KLF8: variants seen among roughly 807,000 people sequenced by gnomAD.
The protein encoded by KLF8 is Krueppel-like factor 8.
KLF8 carries 10 observed loss-of-function variants against 18.2 expected under a neutral mutation model. The observed-to-expected ratio is 0.55, with a 90% CI of 0.34 to 0.93. The LOEUF is 0.93. Ranked by LOEUF, KLF8 falls within the 40% of genes least tolerant of loss-of-function variation. The pLI, the probability that KLF8 is intolerant of heterozygous loss-of-function variation, is 0.02. For missense variants in KLF8, 264 were observed against 277.9 expected, an observed-to-expected ratio of 0.95 and a Z score of 0.36; for synonymous variants, 109 against 97.3, an observed-to-expected ratio of 1.12 and a Z score of -0.71.
chrX:56,162,055 G>T, the KLF8 span, among the ~76,000 whole-genome samples: 3 of 111,833 alleles, frequency 2.7e-5, no homozygotes, highest in Non-Finnish European at 3.8e-5. Context: ...TGTTTGCCTG[G>T]GTATCAGCAG....
the KLF8 span, among the ~76,000 whole-genome samples, chrX:56,046,135 T>A: frequency 2.7e-5 from 3 of 112,069 alleles, no homozygotes; most frequent in Non-Finnish European, 5.6e-5. Flanking sequence ...TCTGTTTATG[T>A]GGTGTATCAC....
the KLF8 span, among the ~76,000 whole-genome samples, chrX:56,220,648 G>C: frequency 3.6e-5 from 4 of 110,763 alleles, no homozygotes; most frequent in African/African-American, 9.8e-5. Flanking sequence ...ACCACACCCA[G>C]CTAATTCTGT....
At chrX:56,220,570 C>G in the KLF8 span, among the ~76,000 whole-genome samples, 1 of 111,393 alleles carries the variant, frequency 9.0e-6, no homozygotes, top group Non-Finnish European at 1.9e-5. Context: ...ACTGCAACCT[C>G]CGCCTCCCAG....
At chrX:56,012,083 C>T in the KLF8 span, among the ~76,000 whole-genome samples, 1 of 111,932 alleles carries the variant, frequency 8.9e-6, no homozygotes, top group African/African-American at 3.2e-5. Context: ...AAAGGAGTGA[C>T]CCCTCCCTAA....
At chrX:56,137,824 G>T in the KLF8 span, among the ~76,000 whole-genome samples, 1 of 108,537 alleles carries the variant, frequency 9.2e-6, no homozygotes, top group South Asian at 4.0e-4. Flanking sequence ...CAATCCCAAT[G>T]CTACCATACC....
the KLF8 span, among the ~76,000 whole-genome samples, chrX:55,943,255 G>T: frequency 1.8e-5 from 2 of 110,568 alleles, no homozygotes. Context: ...AGATATCCAA[G>T]TAGAAGCACT....
the KLF8 span, among the ~76,000 whole-genome samples, chrX:56,118,454 T>C: frequency 9.0e-6 from 1 of 111,536 alleles, no homozygotes; most frequent in African/African-American, 3.3e-5. Flanking sequence ...TGTATTATTC[T>C]TAAGTACATT....
At chrX:56,206,027 G>A in the KLF8 span, among the ~76,000 whole-genome samples, 3 of 111,432 alleles carry the variant, frequency 2.7e-5, no homozygotes, top group South Asian at 1.1e-3. Context: ...ATAACAGCAG[G>A]CAAGTGAGCT....
intron 5 of KLF8, among the ~76,000 whole-genome samples, chrX:56,279,146 C>T (rs1035603333): frequency 7.2e-5 from 8 of 110,949 alleles, no homozygotes; most frequent in Admixed American, 1.9e-4. Context: ...TCTGATTTTT[C>T]GTTCTTTTTT....
chrX:55,990,516 T>A, the KLF8 span, among the ~76,000 whole-genome samples: 1 of 111,920 alleles, frequency 8.9e-6, no homozygotes, highest in Non-Finnish European at 1.9e-5. Context: ...CAGTTTTGAG[T>A]GAGTTTCTTA....
chrX:56,163,169 C>A, the KLF8 span, among the ~76,000 whole-genome samples: 4 of 111,836 alleles, frequency 3.6e-5, no homozygotes, highest in African/African-American at 9.7e-5. Context: ...GGAATTACTG[C>A]ACTATCTTCC....
chrX:56,278,757 A>G (rs1217369738), intron 5 of KLF8, among the ~76,000 whole-genome samples: 4 of 111,623 alleles, frequency 3.6e-5, no homozygotes, highest in African/African-American at 1.3e-4. Flanking sequence ...TGTGGCCTAT[A>G]CTGCCTTTCA....
the KLF8 span, among the ~76,000 whole-genome samples, chrX:56,170,848 C>A: frequency 1.8e-5 from 2 of 111,145 alleles, no homozygotes; most frequent in Admixed American, 9.6e-5. Flanking sequence ...GAACACCAAG[C>A]AAATTTAACC....
At chrX:55,980,560 C>T in the KLF8 span, among the ~76,000 whole-genome samples, 936 of 111,858 alleles carry the variant, frequency 8.4e-3, 3 homozygotes, top group Middle Eastern at 0.014. Context: ...ATTAAATATT[C>T]TGAATATTGC....
chrX:56,173,939 T>G, the KLF8 span, among the ~76,000 whole-genome samples: 1 of 112,147 alleles, frequency 8.9e-6, no homozygotes, highest in Non-Finnish European at 1.9e-5. Flanking sequence ...TTTTGCACAT[T>G]GATTTTGTAT....
At chrX:56,070,773 A>T in the KLF8 span, among the ~76,000 whole-genome samples, 1 of 112,704 alleles carries the variant, frequency 8.9e-6, no homozygotes, top group African/African-American at 3.2e-5. Flanking sequence ...GTATCTTGGA[A>T]CTATAAGTAA....
the KLF8 span, among the ~76,000 whole-genome samples, chrX:56,196,302 T>A: frequency 9.0e-6 from 1 of 110,599 alleles, no homozygotes; most frequent in East Asian, 2.8e-4. Context: ...GAATAAAGAG[T>A]CAAGACCCAT....
chrX:56,110,854 A>AGG, the KLF8 span, among the ~76,000 whole-genome samples: 1,078 of 111,937 alleles, frequency 9.6e-3, 13 homozygotes, highest in African/African-American at 0.033. Context: ...GTAAACAAAA[A>AGG]GGAATTACTA....
At chrX:56,026,132 G>A in the KLF8 span, among the ~76,000 whole-genome samples, 1 of 112,099 alleles carries the variant, frequency 8.9e-6, no homozygotes, top group South Asian at 3.7e-4. Flanking sequence ...TTCAGTGGCT[G>A]CAGGCTTTAT....
Sources: gnomAD v4.1 joint callset for allele counts (sites outside exome capture counted in the v4.1 genomes callset) on GRCh38, gnomAD v4.1.1 for gene constraint, MANE v1.5 for transcripts, NCBI Gene and HGNC (gene_info 2026-07-23, HGNC 2026-07-21) for gene names.